Variants in CCSER1 observed in about 807,000 individuals in gnomAD.
CCSER1 encodes the protein serine-rich coiled-coil domain-containing protein 1.
A neutral mutation model predicts 82.0 loss-of-function variants in CCSER1; 41 were observed. The ratio of observed to expected loss-of-function variants is 0.50; its 90% confidence interval spans 0.39 to 0.65. The LOEUF is 0.65. Ranked by LOEUF, CCSER1 falls within the 30% of genes least tolerant of loss-of-function variation. The pLI is 0.00. For synonymous variants in CCSER1, 414 were observed against 383.9 expected, an observed-to-expected ratio of 1.08 and a Z score of -0.92; for missense variants, 1,119 against 1,064.2, an observed-to-expected ratio of 1.05 and a Z score of -0.72.
intron 8 of CCSER1, among the ~76,000 whole-genome samples, chr4:90,819,648 C>A (rs374437487): frequency 1.3e-5 from 2 of 152,056 alleles, no homozygotes; most frequent in South Asian, 4.1e-4. Flanking sequence ...TTATTAATTG[C>A]ATTTCTAATG....
chr4:91,179,869 G>T (rs1346474370), intron 10 of CCSER1, among the ~76,000 whole-genome samples: 3 of 152,302 alleles, frequency 2.0e-5, no homozygotes, highest in Non-Finnish European at 4.4e-5. Flanking sequence ...ACATTCCTTT[G>T]GAGGAGAAGA....
chr4:90,271,299 T>C (rs1448442440), intron 1 of CCSER1, among the ~76,000 whole-genome samples: 4 of 151,936 alleles, frequency 2.6e-5, no homozygotes, highest in Non-Finnish European at 5.9e-5. Context: ...GACATATAGA[T>C]CAATGGAGCA....
At chr4:91,463,412 CAG>C (rs1349345894) in intron 10 of CCSER1, among the ~76,000 whole-genome samples, 1 of 152,156 alleles carries the variant, frequency 6.6e-6, no homozygotes, top group East Asian at 1.9e-4. Flanking sequence ...GGGGAAAAAA[CAG>C]AGCAAAAAAG....
intron 9 of CCSER1, among the ~76,000 whole-genome samples, chr4:90,935,633 T>C (rs1730835265): frequency 6.6e-6 from 1 of 152,166 alleles, no homozygotes; most frequent in South Asian, 2.1e-4. Context: ...CTTAAAAATA[T>C]GCAAAAATAT....
chr4:90,560,221 C>T (rs1352143697), intron 5 of CCSER1, among the ~76,000 whole-genome samples: 3 of 151,896 alleles, frequency 2.0e-5, no homozygotes, highest in African/African-American at 4.8e-5. Flanking sequence ...GAAAACCAAG[C>T]GGCCAAGGGG....
At chr4:91,423,116 G>GT (rs948292826) in intron 10 of CCSER1, among the ~76,000 whole-genome samples, 2 of 151,784 alleles carry the variant, frequency 1.3e-5, no homozygotes, top group African/African-American at 4.9e-5. Context: ...ATATAGTATT[G>GT]TTTTTTTCTT....
At chr4:90,927,173 A>G (rs956315699) in intron 9 of CCSER1, among the ~76,000 whole-genome samples, 2 of 152,014 alleles carry the variant, frequency 1.3e-5, no homozygotes, top group African/African-American at 4.8e-5. Flanking sequence ...TGAAAATGTG[A>G]CAGGTTGATT....
chr4:90,810,320 C>A (rs1273957165), intron 7 of CCSER1, among the ~76,000 whole-genome samples: 2 of 152,018 alleles, frequency 1.3e-5, no homozygotes, highest in East Asian at 3.9e-4. Context: ...TATGGTAATG[C>A]AATAGAAACT....
In CCSER1 at chr4:90,999,393, G is replaced by C. The variant is rs571360327; in HGVS notation, c.2172+75946G>C. ...TTTCTCCACAGCCTCATCAACATCTGTTGTTTTTTAGCTTTTTAATAATAG... is the reference window on the plus strand; with the variant it reads ...TTTCTCCACAGCCTCATCAACATCTCTTGTTTTTTAGCTTTTTAATAATAG... On this transcript the variant is annotated intron_variant, in intron 9 of 10. Transcript: ENST00000509176. 2.6e-5 allele frequency among the ~76,000 whole-genome samples: 4 copies of C among 152,252 alleles called. No individual in the cohort carries two copies. The South Asian group carries it at 8.3e-4, about 32-fold the overall frequency.
intron 3 of CCSER1, among the ~76,000 whole-genome samples, chr4:90,333,049 CT>C (rs533330302): frequency 3.0e-4 from 46 of 152,284 alleles, no homozygotes; most frequent in Non-Finnish European, 5.6e-4. Flanking sequence ...TCATGATTGT[CT>C]GGTTTTTCAC....
chr4:90,320,866 G>A (rs1291673485), intron 3 of CCSER1, among the ~76,000 whole-genome samples: 3 of 151,938 alleles, frequency 2.0e-5, no homozygotes, highest in East Asian at 3.8e-4. Flanking sequence ...TTTAAAGATC[G>A]GTTTGAGTAA....
intron 10 of CCSER1, among the ~76,000 whole-genome samples, chr4:91,350,868 ATTTAC>A (rs1293717865): frequency 6.6e-6 from 1 of 152,008 alleles, no homozygotes; most frequent in Non-Finnish European, 1.5e-5. Context: ...ACATCAAAAA[ATTTAC>A]TTTGACAGGA....
intron 10 of CCSER1, among the ~76,000 whole-genome samples, chr4:91,305,074 C>G (rs1010783836): frequency 6.6e-6 from 1 of 151,938 alleles, no homozygotes; most frequent in Non-Finnish European, 1.5e-5. Flanking sequence ...TGAATCTTTT[C>G]ATTCTCCCTA....
intron 10 of CCSER1, among the ~76,000 whole-genome samples, chr4:91,566,231 G>T (rs1024143444): frequency 6.6e-6 from 1 of 152,094 alleles, no homozygotes; most frequent in Non-Finnish European, 1.5e-5. Flanking sequence ...TGCATTCCAG[G>T]GATGAAGCCA....
chr4:91,262,490 A>T (rs1475338438), intron 10 of CCSER1, among the ~76,000 whole-genome samples: 2 of 152,064 alleles, frequency 1.3e-5, no homozygotes, highest in African/African-American at 4.8e-5. Context: ...ATACTCATAG[A>T]TACTCAATGA....
chr4:90,344,889 T>G (rs1301753448), intron 3 of CCSER1, among the ~76,000 whole-genome samples: 1 of 152,090 alleles, frequency 6.6e-6, no homozygotes, highest in Non-Finnish European at 1.5e-5. Flanking sequence ...TTTACAGAAT[T>G]TATTCAATGA....
rs541720937 is a variant in CCSER1 at position 90,414,311 on chromosome 4, T to C, written c.1603+14182T>C. 3.3e-5 allele frequency among the ~76,000 whole-genome samples: 5 copies of C among 152,014 alleles called. No individual in the cohort carries two copies. In the South Asian group the frequency reaches 8.3e-4, roughly 25 times the overall value. ...AAAAGGTTTTAGATTTAAAGGATTTTTTTATTATATTTTCTTGAGTTTCTG... is the reference window on the plus strand; with the variant it reads ...AAAAGGTTTTAGATTTAAAGGATTTCTTTATTATATTTTCTTGAGTTTCTG... On this transcript the variant is annotated intron_variant, in intron 4 of 10. Transcript: ENST00000509176.
At chr4:90,967,361 A>G (rs1200674133) in intron 9 of CCSER1, among the ~76,000 whole-genome samples, 1 of 151,938 alleles carries the variant, frequency 6.6e-6, no homozygotes, top group Non-Finnish European at 1.5e-5. Flanking sequence ...AGGCAGGAGA[A>G]TCGCTTGAAC....
At chr4:91,539,694 T>C (rs1165384917) in intron 10 of CCSER1, among the ~76,000 whole-genome samples, 1 of 152,114 alleles carries the variant, frequency 6.6e-6, no homozygotes, top group East Asian at 1.9e-4. Flanking sequence ...CTCAGAAAGA[T>C]GTTTGCTGAA....
Sources: allele counts gnomAD v4.1 joint callset (sites outside exome capture counted in the v4.1 genomes callset), GRCh38; gene constraint gnomAD v4.1.1; transcripts MANE v1.5; gene names NCBI Gene and HGNC (gene_info 2026-07-23, HGNC 2026-07-21).